The following COMMD1 variants were observed in gnomAD, a reference collection of about 807,000 sequenced individuals.
COMMD1 encodes copper metabolism domain containing 1.
A neutral mutation model predicts 17.2 loss-of-function variants in COMMD1; 10 were observed. The observed-to-expected ratio is 0.58, with a 90% CI of 0.36 to 0.99. The LOEUF (loss-of-function observed/expected upper bound fraction) is 0.99, where lower values mean the gene tolerates loss of function less well. Among genes scored for constraint, COMMD1 ranks in the 50% least tolerant of loss-of-function variants. The pLI is 0.01. For missense variants in COMMD1, 270 were observed against 231.8 expected, an observed-to-expected ratio of 1.17 and a Z score of -1.07; for synonymous variants, 97 against 91.6, an observed-to-expected ratio of 1.06 and a Z score of -0.34.
rs183270006 is a variant in COMMD1, at chr2:61,954,406, C to T, written c.181-46295C>T. Among the ~76,000 whole-genome samples, 15 of 152,200 alleles carry T rather than the reference C, an allele frequency of 9.9e-5. No homozygotes were observed. In the East Asian group the frequency reaches 2.9e-3, roughly 29 times the overall value. On this transcript the variant is annotated intron_variant, in intron 1 of 2. Transcript: ENST00000311832. ...CAATTAGTTACATTTTGCATTTTTC[C>T]CTCCCATGGCTTGTTTTGTTTTCTT...
intron 2 of COMMD1, among the ~76,000 whole-genome samples, chr2:62,034,037 G>C (rs748652804): frequency 2.1e-4 from 29 of 138,906 alleles, no homozygotes; most frequent in Non-Finnish European, 3.0e-4. Context: ...TGGAGCCTAG[G>C]AAGTCAAGGC....
At chr2:62,105,871 C>T (rs1005672018) in intron 2 of COMMD1, among the ~76,000 whole-genome samples, 3 of 152,126 alleles carry the variant, frequency 2.0e-5, no homozygotes, top group African/African-American at 2.4e-5. Flanking sequence ...CATTTACTGC[C>T]GCAAAGACAG....
chr2:61,944,635 C>G (rs1670859173), intron 1 of COMMD1, among the ~76,000 whole-genome samples: 1 of 152,116 alleles, frequency 6.6e-6, no homozygotes, highest in African/African-American at 2.4e-5. Flanking sequence ...GCCAAATCCT[C>G]TCATGGTACA....
chr2:61,923,765 G>A (rs1357348727), intron 1 of COMMD1, among the ~76,000 whole-genome samples: 1 of 151,948 alleles, frequency 6.6e-6, no homozygotes, highest in Non-Finnish European at 1.5e-5. Flanking sequence ...TTTAGAAAGA[G>A]TTTTTTTGTT....
chr2:61,962,008 C>G (rs185432925), intron 1 of COMMD1, among the ~76,000 whole-genome samples: 3 of 152,114 alleles, frequency 2.0e-5, no homozygotes, highest in Admixed American at 6.5e-5. Context: ...TTATTTTGTT[C>G]TCTTTCACAT....
At chr2:61,943,309 C>T (rs1367772585) in intron 1 of COMMD1, among the ~76,000 whole-genome samples, 2 of 152,196 alleles carry the variant, frequency 1.3e-5, no homozygotes, top group Admixed American at 6.5e-5. Context: ...TGAAACCAAA[C>T]AGGGTGCCTG....
intron 2 of COMMD1, among the ~76,000 whole-genome samples, chr2:62,087,875 T>G (rs1297490441): frequency 6.6e-6 from 1 of 152,230 alleles, no homozygotes; most frequent in Non-Finnish European, 1.5e-5. Context: ...ACGCTTTGCC[T>G]TACCCTCAAA....
chr2:62,081,881 C>T (rs1671533498), intron 2 of COMMD1, among the ~76,000 whole-genome samples: 1 of 151,772 alleles, frequency 6.6e-6, no homozygotes, highest in Non-Finnish European at 1.5e-5. Flanking sequence ...TTGAGGTTTC[C>T]TGCTTTTTTT....
chr2:61,888,476 G>A (rs913139355), upstream of COMMD1: 1 of 1,611,682 alleles, frequency 6.2e-7, no homozygotes, highest in Non-Finnish European at 8.5e-7. Context: ...CCCGGCAGTC[G>A]CCCCGCTCCG....
intron 1 of COMMD1, among the ~76,000 whole-genome samples, chr2:61,959,047 C>G (rs1235738815): frequency 6.6e-6 from 1 of 152,156 alleles, no homozygotes; most frequent in African/African-American, 2.4e-5. Flanking sequence ...ACTAGTTTTA[C>G]TGCTCTTAGT....
At chr2:62,042,122 ACAGAGCGCTG>A (rs1258468591) in intron 2 of COMMD1, among the ~76,000 whole-genome samples, 7 of 152,176 alleles carry the variant, frequency 4.6e-5, no homozygotes, top group African/African-American at 1.7e-4. Flanking sequence ...GGTCTGTTTG[ACAGAGCGCTG>A]ATTGGTGCAT....
intron 2 of COMMD1, among the ~76,000 whole-genome samples, chr2:62,127,171 G>A (rs544396888): frequency 6.6e-6 from 1 of 152,230 alleles, no homozygotes; most frequent in African/African-American, 2.4e-5. Flanking sequence ...GCTAACAAGG[G>A]AAATGAAGGA....
chr2:61,961,670 C>A (rs188363336), intron 1 of COMMD1, among the ~76,000 whole-genome samples: 3 of 152,182 alleles, frequency 2.0e-5, no homozygotes, highest in Admixed American at 6.5e-5. Context: ...TTTGAAACTC[C>A]TGTTATTCAT....
At chr2:61,955,730 G>A (rs913265150) in intron 1 of COMMD1, among the ~76,000 whole-genome samples, 1 of 152,076 alleles carries the variant, frequency 6.6e-6, no homozygotes, top group African/African-American at 2.4e-5. Flanking sequence ...TTGTCACCTG[G>A]GCTGGAGTGT....
At chr2:61,944,940 T>C (rs1670868536) in intron 1 of COMMD1, among the ~76,000 whole-genome samples, 1 of 152,176 alleles carries the variant, frequency 6.6e-6, no homozygotes, top group South Asian at 2.1e-4. Flanking sequence ...TGGTTTTGTT[T>C]TGTTTTTCCT....
chr2:61,926,340 G>C (rs1448913680), intron 1 of COMMD1, among the ~76,000 whole-genome samples: 1 of 152,134 alleles, frequency 6.6e-6, no homozygotes, highest in Admixed American at 6.5e-5. Context: ...TCCCCTTTGT[G>C]AGGTTAGATT....
intron 1 of COMMD1, among the ~76,000 whole-genome samples, chr2:61,924,874 G>T (rs941713764): frequency 6.6e-6 from 1 of 152,264 alleles, no homozygotes; most frequent in South Asian, 2.1e-4. Context: ...AGGAGAGGGC[G>T]TCCCCTTTCC....
chr2:61,892,774 A>G (rs1297878303), intron 1 of COMMD1, among the ~76,000 whole-genome samples: 2 of 151,394 alleles, frequency 1.3e-5, no homozygotes, highest in African/African-American at 4.9e-5. Flanking sequence ...ATTCAAAGAC[A>G]GTGTTTGTTG....
chr2:61,908,150 G>GAT (rs1669818305), intron 1 of COMMD1, among the ~76,000 whole-genome samples: 1 of 152,082 alleles, frequency 6.6e-6, no homozygotes, highest in African/African-American at 2.4e-5. Flanking sequence ...GGAACGAAGG[G>GAT]ATATGCCTTT....
Sources: allele counts gnomAD v4.1 joint callset (sites outside exome capture counted in the v4.1 genomes callset), GRCh38; gene constraint gnomAD v4.1.1; transcripts MANE v1.5; gene names NCBI Gene and HGNC (gene_info 2026-07-23, HGNC 2026-07-21).